Variants in ZNF143 observed in about 807,000 individuals in gnomAD.
ZNF143 encodes zinc finger protein 143.
In ZNF143, 49 loss-of-function variants were observed where a neutral mutation model predicts 74.1. That is an observed-to-expected ratio of 0.66 (90% CI 0.53 to 0.84). The LOEUF (loss-of-function observed/expected upper bound fraction) is 0.84. Among genes scored for constraint, ZNF143 ranks in the 40% least tolerant of loss-of-function variants. The pLI, the probability that ZNF143 is intolerant of heterozygous loss-of-function variation, is 0.00. For synonymous variants in ZNF143, 304 were observed against 282.8 expected (o/e 1.07, Z -0.75); for missense variants, 637 against 793.4 (o/e 0.80, Z 2.37).
intron 1 of ZNF143, among the ~76,000 whole-genome samples, chr11:9,470,461 C>A (rs1436359884): frequency 6.6e-6 from 1 of 152,080 alleles, no homozygotes; most frequent in Non-Finnish European, 1.5e-5. Context: ...ATGGGATGGA[C>A]AGGGAAGCTC....
intron 14 of ZNF143, among the ~76,000 whole-genome samples, chr11:9,522,360 G>C (rs1300854958): frequency 6.6e-6 from 1 of 151,778 alleles, no homozygotes; most frequent in Non-Finnish European, 1.5e-5. Context: ...CAAGAAGCTA[G>C]GACTGCAGGT....
Position 9,512,496 on chromosome 11 carries a change from G to C in ZNF143, c.1424G>C (p.Gly475Ala). 1.2e-6 allele frequency: 2 copies of C among 1,614,226 alleles called. No individual in the cohort carries two copies. Among genetic ancestry groups the C allele is most frequent in the Non-Finnish European group, 1.7e-6 (2 of 1,180,046 alleles). Residue 475 changes from glycine to alanine, a missense_variant, in exon 13 of 16, where the codon GGT (glycine) becomes GCT (alanine). By Grantham distance (60) the Gly-to-Ala change is moderately conservative. Transcript: ENST00000396602. Reference sequence around the variant, plus strand: ...GGGTCCCAGATTACGTATGTTACAGGTGTAGAAGGGGACGACGTTGTTTCT... The same window carrying C: ...GGGTCCCAGATTACGTATGTTACAGCTGTAGAAGGGGACGACGTTGTTTCT... ...LKGSQITYVT[G>A]VEGDDVVSTQ...
intron 11 of ZNF143, among the ~76,000 whole-genome samples, chr11:9,507,409 T>G (rs1302215100): frequency 6.6e-6 from 1 of 152,198 alleles, no homozygotes. Flanking sequence ...TTTGAAATAT[T>G]TACTCATTTG....
At chr11:9,473,907 G>A (rs766584708) in intron 3 of ZNF143, 34 bp from the exon 4 acceptor site, 6 of 1,613,206 alleles carry the variant, frequency 3.7e-6, no homozygotes, top group African/African-American at 2.7e-5. Context: ...ATTTTTGTTT[G>A]TGCCAATTTA....
At chr11:9,504,974 C>CTT (rs111642415) in intron 11 of ZNF143, among the ~76,000 whole-genome samples, 3 of 73,456 alleles carry the variant, frequency 4.1e-5, no homozygotes, top group African/African-American at 7.9e-5. Flanking sequence ...CGCCCAGCCT[C>CTT]TTTTTTTTTT....
At position 9,483,949 on chromosome 11, in the gene ZNF143, C is replaced by T. The variant is rs187597868; in HGVS notation, c.645+4403C>T. On this transcript the variant is annotated intron_variant, in intron 7 of 15. Transcript: ENST00000396602. ...ATTTTCAGTAGAGAGGGGGTTTCAC[C>T]ATGTTGGCTAGGATGGTCTGAATCT... Among the ~76,000 whole-genome samples the T allele has an allele frequency of 1.4e-3, 218 of 151,154 alleles. 9 individuals carry two copies. Among genetic ancestry groups the T allele is most frequent in the African/African-American group, 4.7e-3 (191 of 40,614 alleles).
chr11:9,506,768 A>G (rs1441303688), intron 11 of ZNF143, among the ~76,000 whole-genome samples: 1 of 152,232 alleles, frequency 6.6e-6, no homozygotes, highest in Non-Finnish European at 1.5e-5. Context: ...TATCCAGTAG[A>G]GTAAAGATTC....
Position 9,508,245 on chromosome 11 carries a change from A to G in ZNF143, c.1148-374A>G, listed in dbSNP as rs1551312. ...CTTTATGAAATTCTTAGGAAGCTGC[A>G]TAAGTTACGATAATAGCATTTATTA... On this transcript the variant is annotated intron_variant, in intron 11 of 15. Coordinates refer to ENST00000396602, the MANE Select transcript of ZNF143 (RefSeq NM_003442.6). 3.6e-3 allele frequency among the ~76,000 whole-genome samples: 543 copies of G among 152,378 alleles called. 5 individuals carry two copies. The highest frequency in any genetic ancestry group is 0.012 in the African/African-American group (500 of 41,596).
At chr11:9,514,643 T>A (rs1001054979) in intron 13 of ZNF143, among the ~76,000 whole-genome samples, 3 of 152,242 alleles carry the variant, frequency 2.0e-5, no homozygotes, top group South Asian at 2.1e-4. Context: ...CAGTTGGGTC[T>A]TGAAGGATTT....
At chr11:9,494,975 C>G (rs987249896) in intron 8 of ZNF143, among the ~76,000 whole-genome samples, 2 of 152,168 alleles carry the variant, frequency 1.3e-5, no homozygotes, top group Admixed American at 1.3e-4. Context: ...TTTTTTTCAT[C>G]TCTGTATTCC....
chr11:9,508,888 A>T, intron 12 of ZNF143, 42 bp downstream of exon 12: 1 of 1,523,396 alleles, frequency 6.6e-7, no homozygotes. Context: ...GAGTTTGAGA[A>T]TCAACAGTTA....
chr11:9,501,360 C>T, intron 11 of ZNF143, 90 bp downstream of exon 11: 1 of 1,433,386 alleles, frequency 7.0e-7, no homozygotes, highest in Non-Finnish European at 9.5e-7. Flanking sequence ...TAATCTCTTC[C>T]CTCCTTTCTA....
At chr11:9,519,889 C>T (rs1164758380) in intron 14 of ZNF143, among the ~76,000 whole-genome samples, 4 of 151,990 alleles carry the variant, frequency 2.6e-5, no homozygotes, top group Non-Finnish European at 5.9e-5. Flanking sequence ...GTGGTTAAAA[C>T]GTTTTTAAAA....
chr11:9,521,834 G>A (rs969601932), intron 14 of ZNF143, among the ~76,000 whole-genome samples: 5 of 152,104 alleles, frequency 3.3e-5, no homozygotes, highest in African/African-American at 1.2e-4. Flanking sequence ...GGGAGGCTGA[G>A]GCAGGTGGAT....
At chr11:9,509,721 G>T (rs1177081853) in intron 12 of ZNF143, among the ~76,000 whole-genome samples, 1 of 152,168 alleles carries the variant, frequency 6.6e-6, no homozygotes, top group African/African-American at 2.4e-5. Flanking sequence ...TTGTAGTCCT[G>T]ATTTGTCTTT....
At chr11:9,471,890 G>A (rs1250198922) in intron 2 of ZNF143, among the ~76,000 whole-genome samples, 1 of 149,610 alleles carries the variant, frequency 6.7e-6, no homozygotes, top group African/African-American at 2.5e-5. Flanking sequence ...GTACAGGAGG[G>A]CAGGGAATTT....
intron 12 of ZNF143, 29 bp downstream of exon 12, chr11:9,508,875 T>C: frequency 1.3e-6 from 2 of 1,549,120 alleles, no homozygotes; most frequent in Non-Finnish European, 1.7e-6. Context: ...ATATTTTGTT[T>C]CTGAGTTTGA....
chr11:9,461,630 C>T (rs1217624646), intron 1 of ZNF143: 1 of 151,766 alleles, frequency 6.6e-6, no homozygotes, highest in Non-Finnish European at 1.5e-5. Flanking sequence ...CCCCCTCACC[C>T]TTTCTTCTAT....
At chr11:9,497,571 A>T in intron 9 of ZNF143, 104 bp from the exon 10 acceptor site, 1 of 909,876 alleles carries the variant, frequency 1.1e-6, no homozygotes, top group Non-Finnish European at 1.6e-6. Flanking sequence ...TATTTGCCTG[A>T]TATTTTATAC....
Sources: allele counts gnomAD v4.1 joint callset (sites outside exome capture counted in the v4.1 genomes callset), GRCh38; gene constraint gnomAD v4.1.1; transcripts MANE v1.5; gene names NCBI Gene and HGNC (gene_info 2026-07-23, HGNC 2026-07-21).